Variants in LRRTM4 observed in about 807,000 individuals in gnomAD.
The protein encoded by LRRTM4 is leucine-rich repeat transmembrane neuronal protein 4.
A neutral mutation model predicts 47.6 loss-of-function variants in LRRTM4; 25 were observed. The observed-to-expected ratio is 0.53, with a 90% confidence interval of 0.38 to 0.73. LRRTM4 has a LOEUF of 0.73. Ranked by LOEUF, LRRTM4 falls within the 30% of genes least tolerant of loss-of-function variation. The probability of loss-of-function intolerance (pLI) is 0.00; values close to 1 mark genes in which losing one functional copy is unlikely to be tolerated. For synonymous variants in LRRTM4, 311 were observed against 269.5 expected, an observed-to-expected ratio of 1.15 and a Z score of -1.51; for missense variants, 638 against 713.4, an observed-to-expected ratio of 0.89 and a Z score of 1.20.
intron 3 of LRRTM4, among the ~76,000 whole-genome samples, chr2:77,391,534 C>T (rs993844619): frequency 1.3e-5 from 2 of 151,972 alleles, no homozygotes; most frequent in African/African-American, 4.8e-5. Flanking sequence ...TACTTATAAA[C>T]CTTTTCAGTA....
At chr2:77,354,454 G>A (rs183071852) in intron 3 of LRRTM4, among the ~76,000 whole-genome samples, 7 of 152,148 alleles carry the variant, frequency 4.6e-5, no homozygotes, top group East Asian at 1.9e-4. Context: ...ATGCTTCAGC[G>A]GTTAGTTTGA....
At chr2:76,993,005 C>T (rs956823404) in intron 3 of LRRTM4, among the ~76,000 whole-genome samples, 1 of 151,420 alleles carries the variant, frequency 6.6e-6, no homozygotes. Flanking sequence ...TGAATTCAAC[C>T]GAAATAAGCA....
intron 3 of LRRTM4, among the ~76,000 whole-genome samples, chr2:77,031,002 G>A (rs551576297): frequency 1.3e-4 from 19 of 151,918 alleles, no homozygotes; most frequent in Admixed American, 2.0e-4. Context: ...CTGGACAGTG[G>A]GATTTATCTT....
chr2:77,195,974 T>G (rs1163009423), intron 3 of LRRTM4, among the ~76,000 whole-genome samples: 1 of 152,146 alleles, frequency 6.6e-6, no homozygotes, highest in Non-Finnish European at 1.5e-5. Flanking sequence ...GTAAGTAAGC[T>G]ATTAATCTTT....
At chr2:77,276,320 A>AGAAG (rs200577315) in intron 3 of LRRTM4, among the ~76,000 whole-genome samples, 81 of 142,508 alleles carry the variant, frequency 5.7e-4, no homozygotes, top group South Asian at 2.9e-3. Flanking sequence ...AAGGAAGAGA[A>AGAAG]GAAGGAAGGA....
At chr2:76,978,706 A>G (rs2103960356) in intron 3 of LRRTM4, among the ~76,000 whole-genome samples, 1 of 152,204 alleles carries the variant, frequency 6.6e-6, no homozygotes, top group South Asian at 2.1e-4. Context: ...CTGAGTATGC[A>G]TAGCGAGCCG....
chr2:76,896,603 G>C (rs560983154), intron 3 of LRRTM4, among the ~76,000 whole-genome samples: 1 of 151,872 alleles, frequency 6.6e-6, no homozygotes, highest in Non-Finnish European at 1.5e-5. Flanking sequence ...CTTGTCAATT[G>C]TTTAGAGAGT....
At chr2:77,069,952 C>G (rs1680096002) in intron 3 of LRRTM4, among the ~76,000 whole-genome samples, 1 of 152,134 alleles carries the variant, frequency 6.6e-6, no homozygotes, top group African/African-American at 2.4e-5. Flanking sequence ...GAAATACCCT[C>G]TAAGAGAAAG....
intron 3 of LRRTM4, among the ~76,000 whole-genome samples, chr2:77,439,016 T>A (rs941361528): frequency 6.6e-6 from 1 of 152,116 alleles, no homozygotes; most frequent in Non-Finnish European, 1.5e-5. Flanking sequence ...TTCCCACAAG[T>A]TATTCAAGTC....
At chr2:77,271,127 C>G (rs1676180108) in intron 3 of LRRTM4, among the ~76,000 whole-genome samples, 1 of 152,116 alleles carries the variant, frequency 6.6e-6, no homozygotes, top group Non-Finnish European at 1.5e-5. Flanking sequence ...TTTCATCAGT[C>G]AATAAAATTC....
At chr2:77,315,736 T>C (rs1677599589) in intron 3 of LRRTM4, among the ~76,000 whole-genome samples, 1 of 152,152 alleles carries the variant, frequency 6.6e-6, no homozygotes, top group Non-Finnish European at 1.5e-5. Context: ...TTAAAGCCTC[T>C]TGCCAGTTTT....
chr2:76,971,115 C>T (rs1676202295), intron 3 of LRRTM4, among the ~76,000 whole-genome samples: 1 of 151,976 alleles, frequency 6.6e-6, no homozygotes, highest in African/African-American at 2.4e-5. Context: ...AGGGCTGATG[C>T]TAGTGGAGGG....
intron 3 of LRRTM4, among the ~76,000 whole-genome samples, chr2:77,190,855 G>A (rs1673650583): frequency 6.6e-6 from 1 of 152,154 alleles, no homozygotes; most frequent in African/African-American, 2.4e-5. Flanking sequence ...TAAGTGTTAT[G>A]TGGAGGAATT....
chr2:76,818,618 A>G (rs1194419233), intron 3 of LRRTM4, among the ~76,000 whole-genome samples: 1 of 151,772 alleles, frequency 6.6e-6, no homozygotes, highest in African/African-American at 2.4e-5. Context: ...TTAATATTTA[A>G]GGTCAATATT....
intron 3 of LRRTM4, among the ~76,000 whole-genome samples, chr2:77,244,674 G>A (rs993060589): frequency 6.6e-6 from 1 of 151,992 alleles, no homozygotes; most frequent in Non-Finnish European, 1.5e-5. Context: ...ATAAAATGTG[G>A]CAAAAGTTAT....
intron 3 of LRRTM4, among the ~76,000 whole-genome samples, chr2:76,879,865 T>C (rs1672879497): frequency 6.6e-6 from 1 of 152,206 alleles, no homozygotes. Flanking sequence ...TCAATCCTAA[T>C]GGGTGACTTT....
chr2:77,202,939 G>T (rs559315177), intron 3 of LRRTM4, among the ~76,000 whole-genome samples: 3 of 152,080 alleles, frequency 2.0e-5, no homozygotes, highest in Non-Finnish European at 4.4e-5. Flanking sequence ...ATCTAAAGGA[G>T]TAGCTTTGAG....
At chr2:77,125,524 T>C (rs557674372) in intron 3 of LRRTM4, among the ~76,000 whole-genome samples, 1 of 152,282 alleles carries the variant, frequency 6.6e-6, no homozygotes, top group East Asian at 1.9e-4. Flanking sequence ...TTAGGATAAT[T>C]ACACTAAGGC....
At chr2:77,470,930 G>A (rs1168758400) in intron 3 of LRRTM4, among the ~76,000 whole-genome samples, 4 of 152,034 alleles carry the variant, frequency 2.6e-5, no homozygotes, top group Admixed American at 1.3e-4. Context: ...AATTTAATTT[G>A]CAGGACTCGC....
Sources: allele counts gnomAD v4.1 joint callset (sites outside exome capture counted in the v4.1 genomes callset), GRCh38; gene constraint gnomAD v4.1.1; transcripts MANE v1.5; gene names NCBI Gene and HGNC (gene_info 2026-07-23, HGNC 2026-07-21).